Variants in COLQ observed in about 807,000 individuals in gnomAD.
COLQ encodes collagen like tail subunit of asymmetric acetylcholinesterase.
Under a neutral mutation model 69.0 loss-of-function variants are expected in COLQ, and 48 were observed. The observed-to-expected ratio is 0.70, with a 90% CI of 0.55 to 0.88. The LOEUF is 0.88. Ranked by LOEUF, COLQ falls within the 40% of genes least tolerant of loss-of-function variation. COLQ has a pLI of 0.00. For synonymous variants in COLQ, 217 were observed against 211.2 expected, an observed-to-expected ratio of 1.03 and a Z score of -0.24; for missense variants, 618 against 594.6, an observed-to-expected ratio of 1.04 and a Z score of -0.41.
At position 15,481,933 on chromosome 3, in the gene COLQ, C is replaced by T. The variant is rs554794877; in HGVS notation, c.322-2551G>A. Among the ~76,000 whole-genome samples the T allele has an allele frequency of 1.2e-4, 18 of 152,242 alleles. No individual in the cohort carries two copies. In the East Asian group the frequency reaches 3.3e-3, roughly 28 times the overall value. Reference sequence around the variant, plus strand: ...TCTCCTTGAAGAGGTCCTTCACATCCCTTGTAAGTTTGATTCCTAGGTATT... The same window carrying T: ...TCTCCTTGAAGAGGTCCTTCACATCTCTTGTAAGTTTGATTCCTAGGTATT... On this transcript the variant is annotated intron_variant, in intron 3 of 16. Coordinates refer to ENST00000383788, the MANE Select transcript of COLQ (RefSeq NM_005677.4).
At position 15,451,638 on chromosome 3, in the gene COLQ, C is replaced by T. The variant is rs144621591; in HGVS notation, c.*6G>A. 103 of 1,613,852 alleles carry T rather than the reference C, an allele frequency of 6.4e-5. 2 individuals are homozygous for T. In the Admixed American group the frequency reaches 8.3e-4, roughly 13 times the overall value. On this transcript the variant is annotated 3_prime_UTR_variant, in exon 17 of 17. Coordinates refer to ENST00000383788, the MANE Select transcript of COLQ (RefSeq NM_005677.4). The stretch of plus-strand genomic sequence containing the variant: ...TGGGGCGCAGCCCACCTTCTCCTCA[C>T]GGCCCTCAGGTGAAGTAGCGGCAGG...
chr3:15,507,057 T>A (rs1187432712), intron 1 of COLQ, among the ~76,000 whole-genome samples: 1 of 152,166 alleles, frequency 6.6e-6, no homozygotes, highest in Non-Finnish European at 1.5e-5. Context: ...CACCTCACCC[T>A]CCCAAAGTGC....
chr3:15,468,998 T>A (rs780733597), intron 11 of COLQ, among the ~76,000 whole-genome samples: 13 of 151,944 alleles, frequency 8.6e-5, no homozygotes, highest in Non-Finnish European at 1.8e-4. Context: ...AAACAAAGAG[T>A]ATGTAAGACT....
At position 15,458,208 on chromosome 3, in the gene COLQ, G is replaced by A. The variant is rs1036386101; in HGVS notation, c.932C>T (p.Pro311Leu). 16 of 1,613,934 alleles carry A rather than the reference G, an allele frequency of 9.9e-6. No homozygotes were observed. Among genetic ancestry groups the A allele is most frequent in the Non-Finnish European group, 1.3e-5 (15 of 1,180,028 alleles). The stretch of plus-strand genomic sequence containing the variant: ...TACCACAGGAACTCGCGGGGAACTG[G>A]GCCCATACACAGATTCCCCGTAGGA... ...NPSYGESVYG[P>L]SSPRVPVIFV... The change falls in exon 13 of 17, where the codon CCC becomes CTC. Residue 311 changes from proline to leucine, a missense_variant. Physicochemically the swap from Pro to Leu is moderately conservative, Grantham distance 98. Coordinates refer to ENST00000383788, the MANE Select transcript of COLQ (RefSeq NM_005677.4).
intron 12 of COLQ, among the ~76,000 whole-genome samples, chr3:15,460,317 C>T (rs1216581626): frequency 6.6e-6 from 1 of 152,154 alleles, no homozygotes; most frequent in Non-Finnish European, 1.5e-5. Flanking sequence ...GGGTAAAAGT[C>T]ACATTCTGGC....
At chr3:15,453,151 C>G (rs3773461) in intron 16 of COLQ, among the ~76,000 whole-genome samples, 54,232 of 152,074 alleles carry the variant, frequency 0.36, 9,975 homozygotes, top group East Asian at 0.51. Flanking sequence ...CCAGTGGTTA[C>G]AATCTGGGCA....
rs377500904 is a variant in COLQ, at chr3:15,498,617, A to G, written c.107-8980T>C. The G allele has an allele frequency of 1.8e-5, 28 of 1,551,498 alleles. No individual in the cohort carries two copies. The African/African-American group carries it at 3.6e-4, about 20-fold the overall frequency. The stretch of plus-strand genomic sequence containing the variant: ...AGGCAGGGCCCAAAGCGGACTGGCC[A>G]GGGAACACTAGCCGGAGACAGGCTG... On this transcript the variant is annotated intron_variant, in intron 1 of 16. Coordinates refer to ENST00000383788, the MANE Select transcript of COLQ (RefSeq NM_005677.4).
chr3:15,514,725 T>C (rs996020185), intron 1 of COLQ, among the ~76,000 whole-genome samples: 2 of 152,176 alleles, frequency 1.3e-5, no homozygotes, highest in Non-Finnish European at 2.9e-5. Context: ...GCAGGGCTCC[T>C]GGTCCCAGAG....
At chr3:15,490,466 C>T (rs1434746169) in intron 1 of COLQ, among the ~76,000 whole-genome samples, 1 of 152,212 alleles carries the variant, frequency 6.6e-6, no homozygotes, top group East Asian at 1.9e-4. Context: ...AATTCTAACA[C>T]CAGAGATTCA....
chr3:15,479,312 G>A (rs1242516394), intron 4 of COLQ, 26 bp downstream of exon 4: 1 of 1,612,240 alleles, frequency 6.2e-7, no homozygotes. Flanking sequence ...AAGGAAAGAA[G>A]GGTTGAAGAA....
At chr3:15,471,183 A>G (rs760361547) in intron 10 of COLQ, among the ~76,000 whole-genome samples, 14 of 152,216 alleles carry the variant, frequency 9.2e-5, no homozygotes, top group African/African-American at 2.9e-4. Context: ...TTTGAGTTCC[A>G]GCTCACTTCC....
chr3:15,485,915 TCAAGCC>T (rs1424353635), intron 3 of COLQ, among the ~76,000 whole-genome samples: 1 of 152,170 alleles, frequency 6.6e-6, no homozygotes, highest in Non-Finnish European at 1.5e-5. Flanking sequence ...TTAGCTGCGA[TCAAGCC>T]ACTGCACTCT....
At chr3:15,451,833 A>C in intron 16 of COLQ, 120 bp from the exon 17 acceptor site, 24 of 856,678 alleles carry the variant, frequency 2.8e-5, no homozygotes, top group Non-Finnish European at 3.5e-5. Flanking sequence ...TCCCATTCTC[A>C]TTTGGAGTGA....
intron 1 of COLQ, among the ~76,000 whole-genome samples, chr3:15,521,017 C>G (rs547971590): frequency 2.0e-5 from 3 of 152,232 alleles, no homozygotes; most frequent in African/African-American, 7.2e-5. Context: ...GTTCACCCCC[C>G]ACCCCACCGG....
chr3:15,466,064 T>C (rs910099845), intron 12 of COLQ, among the ~76,000 whole-genome samples: 2 of 152,262 alleles, frequency 1.3e-5, no homozygotes, highest in African/African-American at 4.8e-5. Flanking sequence ...TATGTTCCTG[T>C]TATTTTTCAC....
intron 12 of COLQ, among the ~76,000 whole-genome samples, chr3:15,465,546 G>A (rs1347273389): frequency 6.7e-6 from 1 of 150,324 alleles, no homozygotes; most frequent in Non-Finnish European, 1.5e-5. Flanking sequence ...GATTACAGGC[G>A]TGACCCACCG....
At position 15,489,539 on chromosome 3, in the gene COLQ, C is replaced by T. The variant is rs769226066; in HGVS notation, c.205G>A (p.Gly69Ser). The change falls in exon 2 of 17, where the codon GGT becomes AGT. Residue 69 changes from glycine to serine, a missense_variant. Transcript: ENST00000383788. Reference sequence around the variant, plus strand: ...AAAGTACTCACCGGACTTCGGCCACCTCTGAAGAATGGTGGTGGGAACAGT... The same window carrying T: ...AAAGTACTCACCGGACTTCGGCCACTTCTGAAGAATGGTGGTGGGAACAGT... Reference protein sequence around the residue: ...PPLFPPPFFRGGRSPLLSPDM... With the variant: ...PPLFPPPFFRSGRSPLLSPDM... The T allele has an allele frequency of 3.7e-6, 6 of 1,614,082 alleles. No homozygotes were observed. The highest frequency in any genetic ancestry group is 2.2e-5 in the East Asian group (1 of 44,894).
intron 1 of COLQ, among the ~76,000 whole-genome samples, chr3:15,493,767 G>C (rs758107062): frequency 6.6e-6 from 1 of 152,228 alleles, no homozygotes; most frequent in Non-Finnish European, 1.5e-5. Flanking sequence ...CCTGAGGAAG[G>C]CCAGGCAGAC....
chr3:15,461,874 T>A (rs2062120012), intron 12 of COLQ, among the ~76,000 whole-genome samples: 1 of 151,504 alleles, frequency 6.6e-6, no homozygotes, highest in Non-Finnish European at 1.5e-5. Flanking sequence ...TATATACAGT[T>A]TTTTCCCCCC....
Sources: allele counts gnomAD v4.1 joint callset (sites outside exome capture counted in the v4.1 genomes callset), GRCh38; gene constraint gnomAD v4.1.1; transcripts MANE v1.5; gene names NCBI Gene and HGNC (gene_info 2026-07-23, HGNC 2026-07-21).